The following UTP20 variants were observed in gnomAD, a reference collection of about 807,000 sequenced individuals.
UTP20 encodes the protein UTP20 small subunit processome component, also known as small subunit processome component 20 homolog.
A neutral mutation model predicts 329.5 loss-of-function variants in UTP20; 164 were observed. The observed-to-expected ratio is 0.50, with a 90% CI of 0.44 to 0.57. The LOEUF is 0.57. Ranked by LOEUF, UTP20 falls within the 20% of genes least tolerant of loss-of-function variation. The probability of loss-of-function intolerance (pLI) is 0.00; values close to 1 mark genes in which losing one functional copy is unlikely to be tolerated. For synonymous variants in UTP20, 1,151 were observed against 1,159.3 expected (o/e 0.99, Z 0.14); for missense variants, 3,055 against 3,284.2 (o/e 0.93, Z 1.71).
chr12:101,280,851 A>G (rs1384169884), intron 1 of UTP20, among the ~76,000 whole-genome samples: 1 of 152,232 alleles, frequency 6.6e-6, no homozygotes. Flanking sequence ...TAGCGAGACT[A>G]ATTGCCAGCA....
intron 48 of UTP20, 140 bp from the exon 49 acceptor site, chr12:101,369,581 C>A: frequency 1.8e-6 from 1 of 548,826 alleles, no homozygotes; most frequent in Middle Eastern, 3.3e-4. Flanking sequence ...ACATTTTGGG[C>A]ACAGTTCTTC....
chr12:101,292,128 A>G, intron 10 of UTP20, 24 bp downstream of exon 10: 1 of 1,609,894 alleles, frequency 6.2e-7, no homozygotes, highest in Non-Finnish European at 8.5e-7. Flanking sequence ...ACAAATATTA[A>G]TTGAGCAGTT....
intron 12 of UTP20, among the ~76,000 whole-genome samples, chr12:101,297,457 T>C (rs1344422061): frequency 1.3e-5 from 2 of 152,142 alleles, no homozygotes; most frequent in Non-Finnish European, 2.9e-5. Context: ...TCAAGTGATC[T>C]TCCTACCTTG....
chr12:101,367,678 G>A (rs1316780952), intron 47 of UTP20, among the ~76,000 whole-genome samples, 182 bp from the exon 48 acceptor site: 2 of 152,190 alleles, frequency 1.3e-5, no homozygotes, highest in South Asian at 2.1e-4. Flanking sequence ...GCTGCACAGC[G>A]AGCTCTCACT....
intron 55 of UTP20, 49 bp from the exon 56 acceptor site, chr12:101,375,575 A>T (rs376874838): frequency 6.3e-7 from 1 of 1,597,766 alleles, no homozygotes; most frequent in East Asian, 2.2e-5. Flanking sequence ...TGTCCATCAG[A>T]TACTTTCAGA....
chr12:101,306,644 G>T (rs907425406), intron 16 of UTP20, 55 bp from the exon 17 acceptor site: 8 of 1,508,224 alleles, frequency 5.3e-6, no homozygotes, highest in Non-Finnish European at 7.2e-6. Flanking sequence ...CTGTGAATCA[G>T]TTTCTTTTTA....
chr12:101,334,036 G>A (rs1368131677), intron 28 of UTP20, among the ~76,000 whole-genome samples: 1 of 152,148 alleles, frequency 6.6e-6, no homozygotes, highest in African/African-American at 2.4e-5. Flanking sequence ...AAAACACCCA[G>A]GTGTTTTTAT....
At chr12:101,356,213 A>G (rs1231917761) in intron 41 of UTP20, among the ~76,000 whole-genome samples, 6 of 151,804 alleles carry the variant, frequency 4.0e-5, no homozygotes, top group African/African-American at 1.5e-4. Context: ...CACAACCTCC[A>G]CCTCCCAGGT....
chr12:101,306,206 C>T lies in UTP20; in HGVS notation c.1932+141C>T, dbSNP rs1402837417. The T allele has an allele frequency of 3.1e-5, 34 of 1,099,684 alleles. No homozygotes were observed. In the East Asian group the frequency reaches 6.2e-4, roughly 20 times the overall value. 68.1% of individuals were successfully genotyped at this position (1,099,684 alleles called of 1,614,324 possible). A position where few individuals can be genotyped will look rare whatever the true frequency, so the allele number is the denominator to read the frequency against. On this transcript the variant is annotated intron_variant, in intron 16 of 61. Transcript: ENST00000261637. ...TAAAGCGATGATTCTTAAATGTTGG[C>T]CTGCAAACCAATTGCAGTAGGATTA...
At chr12:101,362,293 G>A (rs937706431) in intron 44 of UTP20, among the ~76,000 whole-genome samples, 1 of 152,154 alleles carries the variant, frequency 6.6e-6, no homozygotes, top group African/African-American at 2.4e-5. Context: ...TTGCCATTTT[G>A]TATCAAGAGC....
Position 101,285,559 on chromosome 12 carries a change from A to G in UTP20, c.127-11A>G. The G allele has an allele frequency of 6.2e-7, 1 of 1,613,294 alleles. No individual in the cohort carries two copies. On this transcript the variant is annotated splice_polypyrimidine_tract_variant and intron_variant, in intron 2 of 61. Coordinates refer to ENST00000261637, the MANE Select transcript of UTP20 (RefSeq NM_014503.3). ...AGTTATTTGATTAATGGACTGCTTTAATCTTGACAGGAGGTTGAAACCTAC... is the reference window on the plus strand; with the variant it reads ...AGTTATTTGATTAATGGACTGCTTTGATCTTGACAGGAGGTTGAAACCTAC...
chr12:101,304,806 A>G (rs1428019152), intron 15 of UTP20, among the ~76,000 whole-genome samples: 2 of 152,292 alleles, frequency 1.3e-5, no homozygotes, highest in African/African-American at 4.8e-5. Context: ...ATCTCACTCT[A>G]TAAAATCCAG....
chr12:101,310,586 A>AAAAAAAAAAAAAAAAAAAAAAAAG, intron 19 of UTP20, among the ~76,000 whole-genome samples: 1 of 149,724 alleles, frequency 6.7e-6, no homozygotes, highest in African/African-American at 2.5e-5. Context: ...CCAAAAAAAA[A>AAAAAAAAAAAAAAAAAAAAAAAAG]AAAAAAAAAA....
intron 30 of UTP20, among the ~76,000 whole-genome samples, chr12:101,338,490 G>A (rs1869010234): frequency 6.6e-6 from 1 of 152,130 alleles, no homozygotes; most frequent in African/African-American, 2.4e-5. Flanking sequence ...CAACTCTGCT[G>A]CAGGAAATTA....
At chr12:101,356,734 A>C (rs1173077242) in intron 42 of UTP20, 41 bp downstream of exon 42, 1 of 1,582,140 alleles carries the variant, frequency 6.3e-7, no homozygotes, top group Non-Finnish European at 8.6e-7. Context: ...GAAACTCAAA[A>C]ATTGGTTCTT....
Position 101,305,577 on chromosome 12 carries a change from ATTAT to A in UTP20, c.1782-334_1782-331del, listed in dbSNP as rs971123574. ...TTAAATATTAAATTTAATATTTAAT[ATTAT>A]TTAATAAAATATAAATTAAATAATA... On this transcript the variant is annotated intron_variant, in intron 15 of 61. Coordinates refer to ENST00000261637, the MANE Select transcript of UTP20 (RefSeq NM_014503.3). 7.4e-4 allele frequency among the ~76,000 whole-genome samples: 109 copies of A among 147,084 alleles called. 1 individual carries two copies. The Middle Eastern group carries it at 0.018, about 24-fold the overall frequency.
intron 36 of UTP20, 132 bp downstream of exon 36, chr12:101,344,882 G>T: frequency 4.6e-6 from 2 of 432,862 alleles, no homozygotes; most frequent in Non-Finnish European, 7.8e-6. Flanking sequence ...TGAGTAAATA[G>T]TCACCAGACT....
chr12:101,322,626 A>G (rs1868401660), intron 25 of UTP20, among the ~76,000 whole-genome samples: 1 of 152,162 alleles, frequency 6.6e-6, no homozygotes, highest in African/African-American at 2.4e-5. Flanking sequence ...GTGTAGTTCT[A>G]TCAGATAGAG....
intron 19 of UTP20, among the ~76,000 whole-genome samples, chr12:101,310,593 A>AAAAAAAAAAT (rs1258381891): frequency 1.3e-5 from 2 of 150,436 alleles, no homozygotes; most frequent in Admixed American, 6.6e-5. Context: ...AAAAAAAAAA[A>AAAAAAAAAAT]AAAAATACAT....
Sources: gnomAD v4.1 joint callset for allele counts (sites outside exome capture counted in the v4.1 genomes callset) on GRCh38, gnomAD v4.1.1 for gene constraint, MANE v1.5 for transcripts, NCBI Gene and HGNC (gene_info 2026-07-23, HGNC 2026-07-21) for gene names.